The following NLGN4Y variants were observed in gnomAD, a reference collection of about 807,000 sequenced individuals.
The protein encoded by NLGN4Y is neuroligin-4, Y-linked.
In NLGN4Y, 4 loss-of-function variants were observed where a neutral mutation model predicts 8.4. The ratio of observed to expected loss-of-function variants is 0.48; its 90% CI spans 0.23 to 1.09. The LOEUF is 1.09. NLGN4Y is among the 50% of genes least tolerant of loss of function. The pLI is 0.19. For missense variants in NLGN4Y, 90 were observed against 192.3 expected, an observed-to-expected ratio of 0.47 and a Z score of 3.15; for synonymous variants, 35 against 75.6, an observed-to-expected ratio of 0.46 and a Z score of 2.78.
chrY:14,838,333 G>T (rs2043204775), intron 6 of NLGN4Y, among the ~76,000 whole-genome samples: 2 of 32,830 alleles, frequency 6.1e-5, no homozygotes, highest in Admixed American at 5.6e-4. Context: ...GTGAAAGCAC[G>T]GCAGTTAGTG....
At position 14,726,107 on chromosome Y, in the gene NLGN4Y, A is replaced by G. The variant is rs759158135; in HGVS notation, c.685+2838A>G. Among the ~76,000 whole-genome samples the G allele has an allele frequency of 1.2e-4, 4 of 33,574 alleles. No homozygotes were observed. In the South Asian group the frequency reaches 2.7e-3, roughly 23 times the overall value. 90.1% of individuals were successfully genotyped at this position (33,574 alleles called of 37,273 possible). The stretch of plus-strand genomic sequence containing the variant: ...CTTAGTTCACTGATCAGCAGGAGAG[A>G]TAGTTTTCTTTCAAATGATACCATC... On this transcript the variant is annotated intron_variant, in intron 4 of 6. Coordinates refer to ENST00000684976, the MANE Select transcript of NLGN4Y (RefSeq NM_001365588.1).
At chrY:14,785,657 A>G (rs2042961075) in intron 4 of NLGN4Y, among the ~76,000 whole-genome samples, 29 of 30,498 alleles carry the variant, frequency 9.5e-4, no homozygotes, top group South Asian at 7.6e-3. Flanking sequence ...CCAGCTACTC[A>G]GGAGGCTGAA....
intron 1 of NLGN4Y, among the ~76,000 whole-genome samples, chrY:14,584,474 A>T: frequency 3.0e-5 from 1 of 33,016 alleles, no homozygotes; most frequent in South Asian, 6.7e-4. Flanking sequence ...GGAAGAAAAG[A>T]ACAGCCAGAT....
intron 4 of NLGN4Y, among the ~76,000 whole-genome samples, chrY:14,738,281 T>C: frequency 3.0e-5 from 1 of 32,931 alleles, no homozygotes; most frequent in Non-Finnish European, 7.5e-5. Context: ...GTTCAAGATA[T>C]TTACATGCAA....
At chrY:14,802,893 T>C (rs2043042248) in intron 4 of NLGN4Y, among the ~76,000 whole-genome samples, 2 of 22,753 alleles carry the variant, frequency 8.8e-5, no homozygotes, top group African/African-American at 3.5e-4. Context: ...TATACTTCAT[T>C]ATATAATATG....
At chrY:14,555,302 T>A in intron 1 of NLGN4Y, among the ~76,000 whole-genome samples, 1 of 33,334 alleles carries the variant, frequency 3.0e-5, no homozygotes. Flanking sequence ...GAATTCAAGA[T>A]CAAGGTGTGG....
intron 2 of NLGN4Y, among the ~76,000 whole-genome samples, chrY:14,697,594 G>GAGAGAT (rs61576386): frequency 4.7e-5 from 1 of 21,125 alleles, no homozygotes; most frequent in African/African-American, 1.7e-4. Context: ...ATAGATGAGA[G>GAGAGAT]AGATAGATAG....
At chrY:14,766,324 T>G in intron 4 of NLGN4Y, among the ~76,000 whole-genome samples, 1 of 33,584 alleles carries the variant, frequency 3.0e-5, no homozygotes. Context: ...AGTGTACCTT[T>G]GTTTAAAAAT....
chrY:14,695,852 G>A (rs767009188), intron 2 of NLGN4Y, among the ~76,000 whole-genome samples: 1 of 32,622 alleles, frequency 3.1e-5, no homozygotes, highest in African/African-American at 1.2e-4. Context: ...TCAAGGTGTC[G>A]GCTGGGTAGC....
chrY:14,626,564 A>G (rs2080528584), intron 2 of NLGN4Y, among the ~76,000 whole-genome samples: 1 of 34,204 alleles, frequency 2.9e-5, no homozygotes, highest in Non-Finnish European at 7.3e-5. Context: ...ACAAAAAGTG[A>G]GCAGCAGCAA....
chrY:14,598,885 A>G, intron 1 of NLGN4Y, among the ~76,000 whole-genome samples: 1 of 22,210 alleles, frequency 4.5e-5, no homozygotes, highest in Admixed American at 4.3e-4. Context: ...TAGGAGATGT[A>G]TATATATATA....
chrY:14,611,622 C>G (rs2080470116), intron 1 of NLGN4Y, among the ~76,000 whole-genome samples: 1 of 29,479 alleles, frequency 3.4e-5, no homozygotes, highest in African/African-American at 1.4e-4. Context: ...GGCCTGCACT[C>G]TCTTCTGGCT....
chrY:14,737,805 G>A, intron 4 of NLGN4Y, among the ~76,000 whole-genome samples: 1 of 31,682 alleles, frequency 3.2e-5, no homozygotes, highest in East Asian at 8.2e-4. Context: ...CTTTTTAAAG[G>A]GAAAGAGTCC....
chrY:14,721,648 C>T, intron 3 of NLGN4Y, among the ~76,000 whole-genome samples: 1 of 32,175 alleles, frequency 3.1e-5, no homozygotes, highest in African/African-American at 1.2e-4. Context: ...GAATTCCTTT[C>T]TCATATTTCA....
At chrY:14,595,241 C>T (rs2080389877) in intron 1 of NLGN4Y, among the ~76,000 whole-genome samples, 1 of 32,801 alleles carries the variant, frequency 3.0e-5, no homozygotes, top group Admixed American at 2.8e-4. Context: ...GGGACATAAC[C>T]GACAGCCCGG....
At position 14,836,006 on chromosome Y, in the gene NLGN4Y, A is replaced by G. The variant is rs368420544; in HGVS notation, c.1662-4407A>G. The stretch of plus-strand genomic sequence containing the variant: ...AAAGTTGCTGCAGAAGCTCTAAACC[A>G]TGAAAGCCTTGATCAAGACAGGATG... On this transcript the variant is annotated intron_variant, in intron 6 of 6. Coordinates refer to ENST00000684976, the MANE Select transcript of NLGN4Y (RefSeq NM_001365588.1). Among the ~76,000 whole-genome samples, 3 of 33,650 alleles carry G rather than the reference A, an allele frequency of 8.9e-5. No homozygotes were observed. The East Asian group carries it at 2.4e-3, about 27-fold the overall frequency. 90.3% of individuals were successfully genotyped at this position (33,650 alleles called of 37,273 possible). A position where few individuals can be genotyped will look rare whatever the true frequency, so the allele number is the denominator to read the frequency against.
In NLGN4Y at chrY:14,683,295, T is replaced by C. The variant is rs767908228; in HGVS notation, c.473-36164T>C. ...TCATTTATGGTCTGAGCACAGATGA[T>C]GCTAAACATGGGTTGTCAACTTCAG... On this transcript the variant is annotated intron_variant, in intron 2 of 6. Transcript: ENST00000684976. Among the ~76,000 whole-genome samples, 4 of 33,692 alleles carry C rather than the reference T, an allele frequency of 1.2e-4. No homozygotes were observed. The South Asian group carries it at 2.6e-3, about 22-fold the overall frequency. 90.4% of individuals were successfully genotyped at this position (33,692 alleles called of 37,273 possible).
At chrY:14,603,173 G>A in intron 1 of NLGN4Y, among the ~76,000 whole-genome samples, 1 of 32,632 alleles carries the variant, frequency 3.1e-5, no homozygotes, top group Non-Finnish European at 7.5e-5. Flanking sequence ...GTGTGTGTGT[G>A]TCTACTTTCA....
intron 1 of NLGN4Y, among the ~76,000 whole-genome samples, chrY:14,557,335 C>A: frequency 3.0e-5 from 1 of 33,116 alleles, no homozygotes; most frequent in South Asian, 6.9e-4. Context: ...AAATGACATA[C>A]AAACATGCTT....
Sources: gnomAD v4.1 joint callset for allele counts (sites outside exome capture counted in the v4.1 genomes callset) on GRCh38, gnomAD v4.1.1 for gene constraint, MANE v1.5 for transcripts, NCBI Gene and HGNC (gene_info 2026-07-23, HGNC 2026-07-21) for gene names.